TERT: variants seen among roughly 807,000 people sequenced by gnomAD.
TERT encodes the protein telomerase catalytic subunit.
A neutral mutation model predicts 104.0 loss-of-function variants in TERT; 42 were observed. The observed-to-expected ratio is 0.40, with a 90% CI of 0.32 to 0.52. The LOEUF (loss-of-function observed/expected upper bound fraction) is 0.52. TERT is among the 20% of genes least tolerant of loss of function. TERT has a pLI of 0.43. For missense variants in TERT, 1,101 were observed against 1,610.3 expected (o/e 0.68, Z 5.41); for synonymous variants, 781 against 725.6 (o/e 1.08, Z -1.23).
chr5:1,283,224 T>C (rs2853680), intron 2 of TERT, among the ~76,000 whole-genome samples: 136 of 79,820 alleles, frequency 1.7e-3, no homozygotes, highest in African/African-American at 1.9e-3. Flanking sequence ...CAGGGCCTGG[T>C]GACCTCACCC....
rs781435225 is a variant in TERT, at chr5:1,294,317, G to A, written c.569C>T (p.Ala190Val). The change falls in exon 2 of 16, where the codon GCT becomes GTT. Residue 190 changes from alanine to valine, a missense_variant. Around this residue, in one of 5 missense-constraint regions of TERT, gnomAD observed 504 missense variants for 544.6 expected, o/e 0.93. Transcript: ENST00000310581. ...TCCCAGACGCCTTCGGGGTCCACTA[G>A]CGTGTGGCGGGGGCCGGGCCTGAGT... Reference protein sequence around the residue: ...AATQARPPPHASGPRRRLGCE... With the variant: ...AATQARPPPHVSGPRRRLGCE... The A allele has an allele frequency of 1.8e-5, 29 of 1,590,318 alleles. No homozygotes were observed. In the African/African-American group the frequency reaches 2.4e-4, roughly 13 times the overall value.
At position 1,286,737 on chromosome 5, in the gene TERT, G is replaced by GCCCA. The variant is rs1388825993; in HGVS notation, c.1574-4114_1574-4113insTGGG. 6.6e-6 allele frequency among the ~76,000 whole-genome samples: 1 copy of GCCCA among 152,104 alleles called. No individual in the cohort carries two copies. The highest frequency in any genetic ancestry group is 2.4e-5 in the African/African-American group (1 of 41,408). The stretch of plus-strand genomic sequence containing the variant: ...TACTAAAAATACAAAAATTAGCCAG[G>GCCCA]CGTGGTGGTGGGCGCCTGTAATCCC... On this transcript the variant is annotated intron_variant, in intron 2 of 15. Coordinates refer to ENST00000310581, the MANE Select transcript of TERT (RefSeq NM_198253.3). The surrounding 1 kb of genome is among the most constrained non-coding windows in gnomAD (Gnocchi z 5.3).
chr5:1,281,808 G>A (rs538130127), intron 3 of TERT, among the ~76,000 whole-genome samples: 1 of 152,296 alleles, frequency 6.6e-6, no homozygotes, highest in South Asian at 2.1e-4. Flanking sequence ...AGAATCGGGG[G>A]CTGGGCACGG....
chr5:1,257,025 C>G lies in TERT; in HGVS notation c.3032+1573G>C, dbSNP rs1345790871. Among the ~76,000 whole-genome samples the G allele has an allele frequency of 6.6e-6, 1 of 152,200 alleles. No homozygotes were observed. Among genetic ancestry groups the G allele is most frequent in the Non-Finnish European group, 1.5e-5 (1 of 68,034 alleles). On this transcript the variant is annotated intron_variant, in intron 13 of 15. Coordinates refer to ENST00000310581, the MANE Select transcript of TERT (RefSeq NM_198253.3). The surrounding 1 kb of genome is among the most constrained non-coding windows in gnomAD (Gnocchi z 5.6). The stretch of plus-strand genomic sequence containing the variant: ...GGGCCCAGCTCTCCGTTCTCCCACT[C>G]CTGCCTCGAGGGAAGGGGATTCCTG...
In TERT at chr5:1,258,674, A is replaced by G. The variant is rs1297119063; in HGVS notation, c.2971-15T>C. ...AGGCTGTTCACCTAGAGTCGCCAAGAAAGAGTGAGAAACGGTAGAAACCTC... is the reference window on the plus strand; with the variant it reads ...AGGCTGTTCACCTAGAGTCGCCAAGGAAGAGTGAGAAACGGTAGAAACCTC... On this transcript the variant is annotated splice_polypyrimidine_tract_variant and intron_variant, in intron 12 of 15. Transcript: ENST00000310581. 5.8e-6 allele frequency: 9 copies of G among 1,559,238 alleles called. No homozygotes were observed. The South Asian group carries it at 5.9e-5, about 10-fold the overall frequency.
rs772649012 is a variant in TERT, at chr5:1,261,685, C to T, written c.2844-1085G>A. Among the ~76,000 whole-genome samples the T allele has an allele frequency of 1.2e-4, 18 of 152,202 alleles. No individual in the cohort carries two copies. The highest frequency in any genetic ancestry group is 4.1e-4 in the African/African-American group (17 of 41,448). On this transcript the variant is annotated intron_variant, in intron 11 of 15. Coordinates refer to ENST00000310581, the MANE Select transcript of TERT (RefSeq NM_198253.3). The surrounding 1 kb of genome is among the most constrained non-coding windows in gnomAD (Gnocchi z 7.4). ...ATTTCTTTGACGCTGCTGGTAGGAC[C>T]TTCCCAAGTGTGCATCAGACGTCCA... is the stretch of plus-strand genomic sequence containing the variant.
At chr5:1,260,187 T>C (rs565478777) in intron 12 of TERT, among the ~76,000 whole-genome samples, 40 of 152,188 alleles carry the variant, frequency 2.6e-4, no homozygotes, top group Non-Finnish European at 5.1e-4. Flanking sequence ...CCCACACGCA[T>C]GCACCTCACG....
In TERT at chr5:1,261,531, T is replaced by G. The variant is rs919674128; in HGVS notation, c.2844-931A>C. 6.6e-6 allele frequency among the ~76,000 whole-genome samples: 1 copy of G among 152,204 alleles called. No individual in the cohort carries two copies. Among genetic ancestry groups the G allele is most frequent in the Non-Finnish European group, 1.5e-5 (1 of 68,038 alleles). The stretch of plus-strand genomic sequence containing the variant: ...TGCTTTCCAGAAAAGTCTTTCCAGC[T>G]TGCCTCAACCTGATGCTGGCTCTTG... On this transcript the variant is annotated intron_variant, in intron 11 of 15. Coordinates refer to ENST00000310581, the MANE Select transcript of TERT (RefSeq NM_198253.3). The surrounding 1 kb of genome is among the most constrained non-coding windows in gnomAD (Gnocchi z 7.4).
At chr5:1,279,558 C>T in intron 4 of TERT, 88 bp from the exon 5 acceptor site, 1 of 1,366,066 alleles carries the variant, frequency 7.3e-7, no homozygotes, top group Admixed American at 2.0e-5. Context: ...GAAGCAGCCC[C>T]TCCCCAGTGT....
At position 1,274,497 on chromosome 5, in the gene TERT, G is replaced by C. The variant is rs1287440982; in HGVS notation, c.2287-2217C>G. On this transcript the variant is annotated intron_variant, in intron 6 of 15. Transcript: ENST00000310581. The surrounding 1 kb of genome is among the most constrained non-coding windows in gnomAD (Gnocchi z 5.3). ...CGATTTTTCCACAGGACAGCAGTGG[G>C]GAAGGGGATGGTTTTGGGAGCAAAC... 6.6e-6 allele frequency among the ~76,000 whole-genome samples: 1 copy of C among 152,234 alleles called. No individual in the cohort carries two copies. Among genetic ancestry groups the C allele is most frequent in the Non-Finnish European group, 1.5e-5 (1 of 68,034 alleles).
rs1579575676 is a variant in TERT, at chr5:1,279,277, T to G, written c.2130+14A>C. 1 of 1,563,280 alleles carries G rather than the reference T, an allele frequency of 6.4e-7. No homozygotes were observed. The highest frequency in any genetic ancestry group is 8.6e-7 in the Non-Finnish European group (1 of 1,156,298). ...GGTCCAGCAGGGCTGCTCACGGGGG[T>G]CCCCGGCACCCACCTTGACAAAGTA... On this transcript the variant is annotated intron_variant, in intron 5 of 15. Transcript: ENST00000310581.
At chr5:1,258,770 A>T in intron 12 of TERT, 111 bp from the exon 13 acceptor site, 1 of 949,358 alleles carries the variant, frequency 1.1e-6, no homozygotes, top group Middle Eastern at 2.1e-4. Flanking sequence ...GAACATTTTG[A>T]CAAGAAACTA....
rs901483639 is a variant in TERT, at chr5:1,274,187, C to T, written c.2287-1907G>A. On this transcript the variant is annotated intron_variant, in intron 6 of 15. Transcript: ENST00000310581. This position sits in a 1 kb window ranked among gnomAD's most constrained non-coding sequence, Gnocchi z 5.3. ...AGCCCCCAGGAGCTGGCGGCAGGGC[C>T]GTGGGCTAAAACCACATCGAGTACG... Among the ~76,000 whole-genome samples the T allele has an allele frequency of 5.9e-5, 9 of 152,182 alleles. No homozygotes were observed. The highest frequency in any genetic ancestry group is 1.9e-4 in the East Asian group (1 of 5,196).
rs889933275 is a variant in TERT, at chr5:1,292,648, G to C, written c.1573+665C>G. On this transcript the variant is annotated intron_variant, in intron 2 of 15. Transcript: ENST00000310581. The surrounding 1 kb of genome is among the most constrained non-coding windows in gnomAD (Gnocchi z 5.5). ...CTGCCTCAGCCTCCCAAGTAGCTGG[G>C]ATTACAGGCACACACCACCATGCCC... is the stretch of plus-strand genomic sequence containing the variant. Among the ~76,000 whole-genome samples the C allele has an allele frequency of 6.6e-6, 1 of 152,162 alleles. No individual in the cohort carries two copies. Among genetic ancestry groups the C allele is most frequent in the African/African-American group, 2.4e-5 (1 of 41,440 alleles).
chr5:1,293,086 G>A (rs138739529), intron 2 of TERT, among the ~76,000 whole-genome samples: 21 of 152,344 alleles, frequency 1.4e-4, no homozygotes, highest in Non-Finnish European at 2.9e-4. Flanking sequence ...CCTGGAAACC[G>A]CGTGTCCATC....
In TERT at chr5:1,255,194, A is replaced by C; in HGVS notation, c.3157+93T>G. ...CCACTTCCTGATGCGAAAAGGGGTA[A>C]GAACTTCCTAAGCCCAGATTCACTC... On this transcript the variant is annotated intron_variant, in intron 14 of 15. Coordinates refer to ENST00000310581, the MANE Select transcript of TERT (RefSeq NM_198253.3). This position sits in a 1 kb window ranked among gnomAD's most constrained non-coding sequence, Gnocchi z 6.9. 1 of 1,525,498 alleles carries C rather than the reference A, an allele frequency of 6.6e-7. No individual in the cohort carries two copies. Among genetic ancestry groups the C allele is most frequent in the Non-Finnish European group, 8.9e-7 (1 of 1,120,374 alleles). The allele number at this position is 1,525,498 out of a possible 1,614,324, so 94.5% of individuals were successfully genotyped here.
Position 1,292,184 on chromosome 5 carries a change from G to A in TERT, c.1573+1129C>T, listed in dbSNP as rs35334674. Among the ~76,000 whole-genome samples, 3,787 of 152,288 alleles carry A rather than the reference G, an allele frequency of 0.025. 57 individuals are homozygous for A. The highest frequency in any genetic ancestry group is 0.082 in the Middle Eastern group (24 of 294). The stretch of plus-strand genomic sequence containing the variant: ...ACCCTCCTTGTCTGCATGGCCGGAA[G>A]TCTTACATGTCTTGGGAGTTTGTGG... On this transcript the variant is annotated intron_variant, in intron 2 of 15. Transcript: ENST00000310581. The surrounding 1 kb of genome is among the most constrained non-coding windows in gnomAD (Gnocchi z 5.5).
chr5:1,254,988 A>G (rs1452703836), intron 14 of TERT, among the ~76,000 whole-genome samples: 3 of 152,090 alleles, frequency 2.0e-5, no homozygotes, highest in Non-Finnish European at 4.4e-5. Flanking sequence ...CAAACAGGAG[A>G]GGCCAGGCCC....
At chr5:1,290,291 C>A (rs1750806065) in intron 2 of TERT, among the ~76,000 whole-genome samples, 1 of 64,040 alleles carries the variant, frequency 1.6e-5, no homozygotes, top group Non-Finnish European at 2.8e-5. Flanking sequence ...GTGACAGGGA[C>A]ACCCGGGGAC....
Sources: gnomAD v4.1 joint callset for allele counts (sites outside exome capture counted in the v4.1 genomes callset) on GRCh38, gnomAD v4.1.1 for gene constraint, gnomAD v4.1.1 regional missense constraint, Gnocchi (gnomAD v3.1) non-coding constraint, MANE v1.5 for transcripts, NCBI Gene and HGNC (gene_info 2026-07-23, HGNC 2026-07-21) for gene names.